The following ESPL1 variants were observed in gnomAD, a reference collection of about 807,000 sequenced individuals.
ESPL1 encodes extra spindle pole bodies like 1, separase.
Under a neutral mutation model 217.2 loss-of-function variants are expected in ESPL1, and 50 were observed. That is an observed-to-expected ratio of 0.23 (90% CI 0.18 to 0.29). The LOEUF is 0.29. ESPL1 is among the 10% of genes least tolerant of loss of function. The probability of loss-of-function intolerance (pLI) is 1.00; values close to 1 mark genes in which losing one functional copy is unlikely to be tolerated. For missense variants in ESPL1, 1,834 were observed against 2,603.0 expected, an observed-to-expected ratio of 0.70 and a Z score of 6.43; for synonymous variants, 994 against 1,081.3, an observed-to-expected ratio of 0.92 and a Z score of 1.58.
At chr12:53,273,677 T>C (rs1042568784) in intron 6 of ESPL1, among the ~76,000 whole-genome samples, 1 of 150,872 alleles carries the variant, frequency 6.6e-6, no homozygotes, top group Non-Finnish European at 1.5e-5. Context: ...GAGAATTGCC[T>C]GAACCCAGGA....
At chr12:53,278,501 G>A (rs1592484829) in intron 11 of ESPL1, among the ~76,000 whole-genome samples, 1 of 121,356 alleles carries the variant, frequency 8.2e-6, no homozygotes, top group Non-Finnish European at 1.8e-5. Context: ...AAAAAAAAAA[G>A]TTAGCTTTAA....
At position 53,286,437 on chromosome 12, in the gene ESPL1, G is replaced by C; in HGVS notation, c.3701G>C (p.Gly1234Ala). 1 of 1,614,188 alleles carries C rather than the reference G, an allele frequency of 6.2e-7. No individual in the cohort carries two copies. Among genetic ancestry groups the C allele is most frequent in the Non-Finnish European group, 8.5e-7 (1 of 1,180,038 alleles). The change falls in exon 18 of 31, where the codon GGC (glycine) becomes GCC (alanine). Residue 1234 changes from glycine (G) to alanine (A), a missense_variant. This residue lies in a region of ESPL1 where 681 missense variants were observed against 808.0 expected (regional missense o/e 0.84). Coordinates refer to ENST00000257934, the MANE Select transcript of ESPL1 (RefSeq NM_012291.5). This position sits in a 1 kb window ranked among gnomAD's most constrained non-coding sequence, Gnocchi z 5.3. ...GCATACACACTGTTGGCACTGGAGGGCCTGAACCAGCCATCAAACGAGAGC... is the reference window on the plus strand; with the variant it reads ...GCATACACACTGTTGGCACTGGAGGCCCTGAACCAGCCATCAAACGAGAGC... Reference protein sequence around the residue: ...AQAYTLLALEGLNQPSNESLQ... With the variant: ...AQAYTLLALEALNQPSNESLQ...
chr12:53,277,050 T>C, intron 8 of ESPL1, 33 bp from the exon 9 acceptor site: 1 of 1,603,522 alleles, frequency 6.2e-7, no homozygotes, highest in Non-Finnish European at 8.5e-7. Flanking sequence ...ATACTCATAG[T>C]AGGCCCAGCT....
At position 53,286,069 on chromosome 12, in the gene ESPL1, T is replaced by A; in HGVS notation, c.3333T>A (p.Thr1111=). The A allele has an allele frequency of 1.2e-6, 2 of 1,611,074 alleles. No homozygotes were observed. Among genetic ancestry groups the A allele is most frequent in the Non-Finnish European group, 1.7e-6 (2 of 1,177,404 alleles). The change falls in exon 18 of 31, where the codon ACT becomes ACA. Residue 1111 remains threonine (T), a synonymous_variant. Transcript: ENST00000257934. The surrounding 1 kb of genome is among the most constrained non-coding windows in gnomAD (Gnocchi z 5.3). The stretch of plus-strand genomic sequence containing the variant: ...GCCCTGCTCTAGAGCTGGTGGCCAC[T>A]GTGGCCAAGGAGCCTGGCCCCATAG... ...LRGPALELVA[T]VAKEPGPIAP... is the part of the protein sequence containing the mutation.
intron 11 of ESPL1, among the ~76,000 whole-genome samples, chr12:53,278,608 T>TTTTTC (rs1029171984): frequency 6.6e-6 from 1 of 151,564 alleles, no homozygotes; most frequent in African/African-American, 2.4e-5. Context: ...TTTTTTTTTT[T>TTTTTC]CAAGATGGAG....
rs776117711 is a variant in ESPL1 at position 53,279,728 on chromosome 12, C to T, written c.2365-4C>T. 9.9e-6 allele frequency: 16 copies of T among 1,613,908 alleles called. No individual in the cohort carries two copies. The highest frequency in any genetic ancestry group is 1.6e-4 in the Middle Eastern group (1 of 6,084). On this transcript the variant is annotated splice_region_variant and splice_polypyrimidine_tract_variant and intron_variant, in intron 11 of 30. Transcript: ENST00000257934. ...GAGTAAACTTGGCTGCTTCTGCTGACCAGCCCATGCAGGCTCTGGAGGTCC... is the reference window on the plus strand; with the variant it reads ...GAGTAAACTTGGCTGCTTCTGCTGATCAGCCCATGCAGGCTCTGGAGGTCC...
chr12:53,271,090 T>A (rs59866661), intron 5 of ESPL1, among the ~76,000 whole-genome samples: 5,260 of 105,012 alleles, frequency 0.05, 293 homozygotes, highest in African/African-American at 0.19. Context: ...TTTATTTCTA[T>A]ATTTTTTAAT....
chr12:53,276,851 G>A lies in ESPL1; in HGVS notation c.1932G>A (p.Gln644=). The A allele has an allele frequency of 6.2e-7, 1 of 1,613,720 alleles. No individual in the cohort carries two copies. Among genetic ancestry groups the A allele is most frequent in the Non-Finnish European group, 8.5e-7 (1 of 1,179,982 alleles). Residue 644 remains glutamine (Q), a synonymous_variant, in exon 8 of 31, where the codon CAG becomes CAA. Coordinates refer to ENST00000257934, the MANE Select transcript of ESPL1 (RefSeq NM_012291.5). ...TCTGCTACCACGACTTTACGCAGCA[G>A]ACCAACTGGTAAGGAGTAGTAGCTG... ...QVLCYHDFTQ[Q]TNCSALDAIR...
Position 53,289,504 on chromosome 12 carries a change from C to T in ESPL1, c.5023C>T (p.Arg1675Cys). 3.1e-6 allele frequency: 5 copies of T among 1,614,176 alleles called. No individual in the cohort carries two copies. Among genetic ancestry groups the T allele is most frequent in the South Asian group, 1.1e-5 (1 of 91,082 alleles). The change falls in exon 22 of 31, where the codon CGC becomes TGC. Residue 1675 changes from arginine (R) to cysteine (C), a missense_variant. Arg to Cys is a radical substitution (Grantham distance 180). This residue lies in a region of ESPL1 where 681 missense variants were observed against 808.0 expected (regional missense o/e 0.84). Transcript: ENST00000257934. The stretch of plus-strand genomic sequence containing the variant: ...AGATGTCCCCCTGGCCCGCATCCAG[C>T]GCCTCTTTTCCTTCAGGGCTTTGGA... ...PGDVPLARIQ[R>C]LFSFRALESG...
At chr12:53,285,367 G>A (rs1943930093) in intron 17 of ESPL1, among the ~76,000 whole-genome samples, 1 of 152,208 alleles carries the variant, frequency 6.6e-6, no homozygotes, top group Non-Finnish European at 1.5e-5. Context: ...GCCTGCTGGG[G>A]CCAGCCTGCT....
Position 53,269,580 on chromosome 12 carries a change from A to T in ESPL1, c.638A>T (p.Asn213Ile), listed in dbSNP as rs756914295. ...TTTGATGCCAGTGGCCATGGTCTAA[A>T]TGAAGCAGATGCTGATTTCCTAGAT... ...QLFDASGHGL[N>I]EADADFLDDL... Residue 213 changes from asparagine to isoleucine, a missense_variant, in exon 3 of 31, where the codon AAT becomes ATT. Asn to Ile is a moderately radical substitution (Grantham distance 149). This residue lies in a region of ESPL1 where 746 missense variants were observed against 1,077.0 expected (regional missense o/e 0.69). Transcript: ENST00000257934. The surrounding 1 kb of genome is among the most constrained non-coding windows in gnomAD (Gnocchi z 6.7). The T allele has an allele frequency of 3.7e-6, 6 of 1,614,086 alleles. No individual in the cohort carries two copies. In the African/African-American group the frequency reaches 8.0e-5, roughly 22 times the overall value.
Position 53,289,582 on chromosome 12 carries a change from C to G in ESPL1, c.5101C>G (p.Leu1701Val), listed in dbSNP as rs1944016703. The G allele has an allele frequency of 1.9e-6, 3 of 1,613,522 alleles. No individual in the cohort carries two copies. Among genetic ancestry groups the G allele is most frequent in the South Asian group, 2.2e-5 (2 of 91,064 alleles). The change falls in exon 22 of 31, where the codon CTG becomes GTG. Residue 1701 changes from leucine to valine, a missense_variant. By Grantham distance (32) the Leu-to-Val change is conservative (BLOSUM62 1). Transcript: ENST00000257934. ...GGAGAGTTTCCAGGAGCGCCTGGCT[C>G]TGATCCCCAGTGGTATGCGGGCAGC... ...EKESFQERLALIPSGVTVCVL... is the reference protein window; with the variant it reads ...EKESFQERLAVIPSGVTVCVL...
chr12:53,293,419 A>C lies in ESPL1; in HGVS notation c.6308A>C (p.Lys2103Thr). ...VNQARQAPRLKYLIGAAPIAY... is the reference protein window; with the variant it reads ...VNQARQAPRLTYLIGAAPIAY... The stretch of plus-strand genomic sequence containing the variant: ...CAGGCCCGCCAAGCTCCCCGACTCA[A>C]GTATCTTATTGGGGCTGCACCTATA... Residue 2103 changes from lysine to threonine, a missense_variant, in exon 31 of 31, where the codon AAG becomes ACG. Physicochemically the swap from Lys to Thr is moderately conservative, Grantham distance 78 (BLOSUM62 -1). This residue lies in a region of ESPL1 where 295 missense variants were observed against 519.8 expected (regional missense o/e 0.57). Coordinates refer to ENST00000257934, the MANE Select transcript of ESPL1 (RefSeq NM_012291.5). The surrounding 1 kb of genome is among the most constrained non-coding windows in gnomAD (Gnocchi z 4.2). The C allele has an allele frequency of 6.2e-7, 1 of 1,614,114 alleles. No homozygotes were observed. Among genetic ancestry groups the C allele is most frequent in the Non-Finnish European group, 8.5e-7 (1 of 1,180,024 alleles).
chr12:53,276,510 C>G (rs1319583095), intron 7 of ESPL1, 110 bp from the exon 8 acceptor site: 2 of 1,266,534 alleles, frequency 1.6e-6, no homozygotes, highest in Non-Finnish European at 2.1e-6. Context: ...AAAGCCATGA[C>G]TGGAAACCTA....
At chr12:53,288,762 CCT>C (rs1944002567) in intron 20 of ESPL1, 63 bp downstream of exon 20, 2 of 1,467,476 alleles carry the variant, frequency 1.4e-6, no homozygotes, top group African/African-American at 2.8e-5. Flanking sequence ...GCTTTTGACC[CCT>C]CTGTCTTTCC....
intron 18 of ESPL1, chr12:53,287,311 A>G (rs1943966193): frequency 6.3e-6 from 1 of 157,580 alleles, no homozygotes; most frequent in African/African-American, 2.5e-5. Flanking sequence ...TGACTTCGTG[A>G]TCCACCCGCC....
rs779788916 is a variant in ESPL1, at chr12:53,286,371, C to A, written c.3635C>A (p.Pro1212His). The A allele has an allele frequency of 1.2e-6, 2 of 1,614,234 alleles. No homozygotes were observed. The highest frequency in any genetic ancestry group is 1.1e-5 in the South Asian group (1 of 91,086). ...GCTTCCCTGAATCATAAAACACCCC[C>A]CTCCTTGGTTCCAAGCCTCTTGGAT... ...LQASLNHKTP[P>H]SLVPSLLDEI... Residue 1212 changes from proline (P) to histidine (H), a missense_variant, in exon 18 of 31, where the codon CCC becomes CAC. Physicochemically the swap from Pro to His is moderately conservative, Grantham distance 77. Coordinates refer to ENST00000257934, the MANE Select transcript of ESPL1 (RefSeq NM_012291.5). The surrounding 1 kb of genome is among the most constrained non-coding windows in gnomAD (Gnocchi z 5.3).
rs1944073067 is a variant in ESPL1, at chr12:53,292,145, A to G, written c.5796+57A>G. The stretch of plus-strand genomic sequence containing the variant: ...CTGGCGACTGGGGAAGACGTCAACA[A>G]AGAAGGGCAGAGAAACCTGAGAAGA... On this transcript the variant is annotated intron_variant, in intron 27 of 30. Coordinates refer to ENST00000257934, the MANE Select transcript of ESPL1 (RefSeq NM_012291.5). The surrounding 1 kb of genome is among the most constrained non-coding windows in gnomAD (Gnocchi z 4.5). The G allele has an allele frequency of 8.1e-6, 12 of 1,485,052 alleles. 1 individual carries two copies. The South Asian group carries it at 1.4e-4, about 17-fold the overall frequency. The allele number at this position is 1,485,052 out of a possible 1,614,324, so 92.0% of individuals were successfully genotyped here.
At chr12:53,285,182 T>C (rs1943926510) in intron 17 of ESPL1, among the ~76,000 whole-genome samples, 1 of 152,164 alleles carries the variant, frequency 6.6e-6, no homozygotes, top group African/African-American at 2.4e-5. Flanking sequence ...AAACATTGCA[T>C]TGATGGCACA....
Sources: gnomAD v4.1 joint callset for allele counts (sites outside exome capture counted in the v4.1 genomes callset) on GRCh38, gnomAD v4.1.1 for gene constraint, gnomAD v4.1.1 regional missense constraint, Gnocchi (gnomAD v3.1) non-coding constraint, MANE v1.5 for transcripts, NCBI Gene and HGNC (gene_info 2026-07-23, HGNC 2026-07-21) for gene names.